Variants in SCAPER observed in about 807,000 individuals in gnomAD.
SCAPER encodes S phase cyclin A-associated protein in the endoplasmic reticulum.
SCAPER carries 98 observed loss-of-function variants against 182.2 expected under a neutral mutation model. The ratio of observed to expected loss-of-function variants is 0.54; its 90% CI spans 0.46 to 0.64. SCAPER has a LOEUF of 0.64. SCAPER is among the 30% of genes least tolerant of loss of function. The pLI, the probability that SCAPER is intolerant of heterozygous loss-of-function variation, is 0.00. For synonymous variants in SCAPER, 605 were observed against 564.6 expected (o/e 1.07, Z -1.01); for missense variants, 1,432 against 1,690.0 (o/e 0.85, Z 2.68).
At chr15:76,366,248 A>C (rs10220790) in intron 29 of SCAPER, among the ~76,000 whole-genome samples, 147,919 of 152,252 alleles carry the variant, frequency 0.97, 71,991 homozygotes, top group South Asian at 1. Context: ...AGGGTCTGGA[A>C]CTTTCCTGTG....
At chr15:76,671,815 T>C (rs991361265) in intron 20 of SCAPER, among the ~76,000 whole-genome samples, 1 of 149,250 alleles carries the variant, frequency 6.7e-6, no homozygotes, top group Non-Finnish European at 1.5e-5. Flanking sequence ...ATCAGAGAAG[T>C]AGCGTTTCAG....
At chr15:76,395,953 T>A (rs1377733119) in intron 27 of SCAPER, among the ~76,000 whole-genome samples, 1 of 152,192 alleles carries the variant, frequency 6.6e-6, no homozygotes, top group African/African-American at 2.4e-5. Context: ...CCCAATGTTT[T>A]CTTGTAGTAG....
At chr15:76,706,154 T>C (rs550315929) in intron 17 of SCAPER, among the ~76,000 whole-genome samples, 170 bp from the exon 18 acceptor site, 1 of 152,274 alleles carries the variant, frequency 6.6e-6, no homozygotes, top group Admixed American at 6.5e-5. Context: ...AATTAAATAT[T>C]TGGGAAACAA....
chr15:76,763,777 T>C (rs1010561210), intron 14 of SCAPER, among the ~76,000 whole-genome samples: 1 of 152,212 alleles, frequency 6.6e-6, no homozygotes, highest in Non-Finnish European at 1.5e-5. Flanking sequence ...GTTTCTTCAG[T>C]GTATTCTTCA....
intron 23 of SCAPER, among the ~76,000 whole-genome samples, chr15:76,571,262 C>T (rs999287823): frequency 2.0e-5 from 3 of 152,132 alleles, no homozygotes; most frequent in African/African-American, 7.2e-5. Flanking sequence ...AAGAAAACTG[C>T]TTTCTTCCCC....
At chr15:76,850,096 G>A (rs2151824808) in intron 4 of SCAPER, among the ~76,000 whole-genome samples, 1 of 152,288 alleles carries the variant, frequency 6.6e-6, no homozygotes, top group Non-Finnish European at 1.5e-5. Context: ...GTGAGATTTG[G>A]GTGGGGACAC....
chr15:76,784,804 T>C (rs2151413911), intron 8 of SCAPER, among the ~76,000 whole-genome samples: 1 of 152,226 alleles, frequency 6.6e-6, no homozygotes, highest in South Asian at 2.1e-4. Flanking sequence ...TCATAAACGG[T>C]GCTGGGAAAA....
At chr15:76,713,479 G>A (rs1014506291) in intron 17 of SCAPER, among the ~76,000 whole-genome samples, 1 of 151,978 alleles carries the variant, frequency 6.6e-6, no homozygotes, top group Non-Finnish European at 1.5e-5. Context: ...GTCCTTTGTA[G>A]GGACATGGAT....
chr15:76,841,882 T>C lies in SCAPER; in HGVS notation c.245A>G (p.His82Arg), dbSNP rs373961827. The change falls in exon 5 of 32, where the codon CAC (histidine) becomes CGC (arginine). Residue 82 changes from histidine (H) to arginine (R), a missense_variant. By Grantham distance (29) the His-to-Arg change is conservative. Transcript: ENST00000563290. ...TGTTTTAGTGGGACTTTTATCAAAG[T>C]GTTTATCTCCAGTCGTAGACGATGT... ...KITSSTTGDK[H>R]FDKSPTKTRH... The C allele has an allele frequency of 1.9e-6, 3 of 1,613,818 alleles. No homozygotes were observed. The African/African-American group carries it at 4.0e-5, about 22-fold the overall frequency.
chr15:76,811,269 A>C (rs1411012628), intron 5 of SCAPER, among the ~76,000 whole-genome samples: 1 of 152,188 alleles, frequency 6.6e-6, no homozygotes, highest in Non-Finnish European at 1.5e-5. Flanking sequence ...AAGTCTTAAC[A>C]AATTAAAATC....
At chr15:76,875,713 G>A (rs944035839) in intron 2 of SCAPER, among the ~76,000 whole-genome samples, 3 of 152,190 alleles carry the variant, frequency 2.0e-5, no homozygotes, top group Non-Finnish European at 1.5e-5. Context: ...TCCTTCTGAT[G>A]TTCGGATGTG....
intron 29 of SCAPER, among the ~76,000 whole-genome samples, chr15:76,375,007 G>A (rs2141880412): frequency 6.6e-6 from 1 of 151,890 alleles, no homozygotes; most frequent in South Asian, 2.1e-4. Flanking sequence ...CAGGAGGATT[G>A]CTTGAGCCCA....
At position 76,608,990 on chromosome 15, in the gene SCAPER, G is replaced by T. The variant is rs1055596135; in HGVS notation, c.2711+12774C>A. ...TGCTTCCTGGGTGAGGCGATGCCTC[G>T]CCCTGCTTCGGCTCGCGCACAGTGC... On this transcript the variant is annotated intron_variant, in intron 22 of 31. Transcript: ENST00000563290. 5.9e-5 allele frequency among the ~76,000 whole-genome samples: 9 copies of T among 152,122 alleles called. No individual in the cohort carries two copies. In the South Asian group the frequency reaches 1.7e-3, roughly 28 times the overall value.
At chr15:76,741,743 C>A (rs555834391) in intron 15 of SCAPER, among the ~76,000 whole-genome samples, 1 of 152,060 alleles carries the variant, frequency 6.6e-6, no homozygotes, top group African/African-American at 2.4e-5. Flanking sequence ...TTTTCCAAAT[C>A]TAGGTTAATG....
chr15:76,899,149 GCTCTCCCTCTCC>G (rs988558334), intron 1 of SCAPER, among the ~76,000 whole-genome samples: 3 of 152,064 alleles, frequency 2.0e-5, no homozygotes, highest in Non-Finnish European at 4.4e-5. Flanking sequence ...ATATGGATAT[GCTCTCCCTCTCC>G]CTCTCGCTCT....
At chr15:76,559,247 G>C (rs1033037711) in intron 23 of SCAPER, among the ~76,000 whole-genome samples, 2 of 147,118 alleles carry the variant, frequency 1.4e-5, no homozygotes, top group African/African-American at 5.1e-5. Flanking sequence ...GTAGAGACGG[G>C]GTTTCACCAT....
chr15:76,839,231 C>T (rs1022163739), intron 5 of SCAPER, among the ~76,000 whole-genome samples: 7 of 152,156 alleles, frequency 4.6e-5, no homozygotes, highest in African/African-American at 1.7e-4. Context: ...TTATTAACTG[C>T]ATTTTACATA....
intron 21 of SCAPER, among the ~76,000 whole-genome samples, chr15:76,636,803 G>C (rs2053639234): frequency 6.6e-6 from 1 of 152,046 alleles, no homozygotes; most frequent in Non-Finnish European, 1.5e-5. Flanking sequence ...ACTTTCCAGA[G>C]TTCCAAAAAA....
chr15:76,636,175 G>A (rs904183345), intron 21 of SCAPER, among the ~76,000 whole-genome samples: 2 of 152,134 alleles, frequency 1.3e-5, no homozygotes, highest in Non-Finnish European at 2.9e-5. Flanking sequence ...GCCAAATATA[G>A]AATTCTTGGT....
Sources: gnomAD v4.1 joint callset for allele counts (sites outside exome capture counted in the v4.1 genomes callset) on GRCh38, gnomAD v4.1.1 for gene constraint, MANE v1.5 for transcripts, NCBI Gene and HGNC (gene_info 2026-07-23, HGNC 2026-07-21) for gene names.